SFMBT2: variants seen among roughly 807,000 people sequenced by gnomAD.
SFMBT2 encodes Scm like with four mbt domains 2.
Under a neutral mutation model 110.1 loss-of-function variants are expected in SFMBT2, and 38 were observed. The ratio of observed to expected loss-of-function variants is 0.35; its 90% CI spans 0.27 to 0.45. The LOEUF (loss-of-function observed/expected upper bound fraction) is 0.45, where lower values mean the gene tolerates loss of function less well. Among genes scored for constraint, SFMBT2 ranks in the 20% least tolerant of loss-of-function variants. SFMBT2 has a pLI of 1.00. For synonymous variants in SFMBT2, 425 were observed against 425.4 expected (o/e 1.00, Z 0.01); for missense variants, 1,011 against 1,094.9 (o/e 0.92, Z 1.08).
intron 20 of SFMBT2, among the ~76,000 whole-genome samples, chr10:7,167,208 TG>T (rs1837717477): frequency 6.6e-6 from 1 of 152,236 alleles, no homozygotes; most frequent in Admixed American, 6.5e-5. Context: ...TAAGGTCAGT[TG>T]AGCATTTGAG....
At chr10:7,347,717 T>A (rs1844162872) in intron 4 of SFMBT2, among the ~76,000 whole-genome samples, 2 of 152,138 alleles carry the variant, frequency 1.3e-5, no homozygotes, top group South Asian at 2.1e-4. Context: ...CAGGCAAGCA[T>A]CTCAAAAAAA....
rs531940381 is a variant in SFMBT2, at chr10:7,270,872, ATTAG to A, written c.870+6016_870+6019del. ...TGCAAAGACAATAAATGTTTAATGA[ATTAG>A]TTAATTTTTAATTACAAATATATTA... On this transcript the variant is annotated intron_variant, in intron 7 of 20. Coordinates refer to ENST00000397167, the MANE Select transcript of SFMBT2 (RefSeq NM_001387889.1). Among the ~76,000 whole-genome samples the A allele has an allele frequency of 7.7e-3, 1,172 of 152,362 alleles. 22 individuals are homozygous for A. Among genetic ancestry groups the A allele is most frequent in the African/African-American group, 0.026 (1,090 of 41,594 alleles).
At chr10:7,227,529 C>G (rs1446446343) in intron 10 of SFMBT2, among the ~76,000 whole-genome samples, 5 of 152,202 alleles carry the variant, frequency 3.3e-5, no homozygotes, top group Non-Finnish European at 1.5e-5. Context: ...ATTTCTTTCC[C>G]TTCTGCTGGC....
chr10:7,322,915 A>G (rs1246635182), intron 4 of SFMBT2, among the ~76,000 whole-genome samples: 1 of 152,240 alleles, frequency 6.6e-6, no homozygotes, highest in Non-Finnish European at 1.5e-5. Flanking sequence ...CATTATCATC[A>G]GAGAAATGCT....
chr10:7,398,341 G>A (rs1192657806), intron 1 of SFMBT2, among the ~76,000 whole-genome samples: 1 of 152,142 alleles, frequency 6.6e-6, no homozygotes, highest in Non-Finnish European at 1.5e-5. Context: ...AAAAACAAGA[G>A]GCTTCCAAGT....
intron 4 of SFMBT2, among the ~76,000 whole-genome samples, chr10:7,340,241 G>T (rs1287732707): frequency 6.6e-6 from 1 of 152,136 alleles, no homozygotes; most frequent in Non-Finnish European, 1.5e-5. Flanking sequence ...TCATTCAGTG[G>T]AAGCGGATGA....
At chr10:7,200,364 C>T in intron 14 of SFMBT2, 50 bp downstream of exon 14, 1 of 1,423,296 alleles carries the variant, frequency 7.0e-7, no homozygotes, top group Non-Finnish European at 9.4e-7. Flanking sequence ...GTCTCTGCTC[C>T]CGGCTGCACG....
chr10:7,381,952 A>G lies in SFMBT2; in HGVS notation c.-51-3T>C. The G allele has an allele frequency of 6.7e-7, 1 of 1,491,524 alleles. No homozygotes were observed. The highest frequency in any genetic ancestry group is 1.4e-5 in the South Asian group (1 of 73,348). The allele number at this position is 1,491,524 out of a possible 1,614,324, so 92.4% of individuals were successfully genotyped here. A position where few individuals can be genotyped will look rare whatever the true frequency, so the allele number is the denominator to read the frequency against. ...ATTCATCCTGCAGAAAAAATTACCT[A>G]AGAGCAATCAAAAAAAAAAAAATCA... On this transcript the variant is annotated splice_region_variant and splice_polypyrimidine_tract_variant and intron_variant, in intron 1 of 20. Coordinates refer to ENST00000397167, the MANE Select transcript of SFMBT2 (RefSeq NM_001387889.1).
intron 1 of SFMBT2, among the ~76,000 whole-genome samples, chr10:7,401,738 A>G (rs1043193546): frequency 6.6e-6 from 1 of 152,180 alleles, no homozygotes; most frequent in Non-Finnish European, 1.5e-5. Context: ...AGGTGAACTC[A>G]GTCTCTTCCT....
intron 2 of SFMBT2, among the ~76,000 whole-genome samples, chr10:7,376,042 C>T (rs987208197): frequency 6.6e-6 from 1 of 152,216 alleles, no homozygotes; most frequent in African/African-American, 2.4e-5. Context: ...GAGGCTCACC[C>T]TGTCTAAATG....
At chr10:7,378,035 G>A (rs1035754548) in intron 2 of SFMBT2, among the ~76,000 whole-genome samples, 14 of 151,448 alleles carry the variant, frequency 9.2e-5, no homozygotes, top group Non-Finnish European at 1.9e-4. Context: ...GAGTGTGTGT[G>A]TGGATGGGTG....
intron 10 of SFMBT2, among the ~76,000 whole-genome samples, chr10:7,222,080 A>T (rs1040029944): frequency 6.6e-6 from 1 of 152,234 alleles, no homozygotes; most frequent in Non-Finnish European, 1.5e-5. Flanking sequence ...TTTATTCTGT[A>T]AGTCATGTAA....
chr10:7,295,928 T>C (rs1347195270), intron 4 of SFMBT2, among the ~76,000 whole-genome samples: 2 of 152,200 alleles, frequency 1.3e-5, no homozygotes, highest in Non-Finnish European at 2.9e-5. Context: ...GACCTAACGC[T>C]TTCTCTGAAG....
In SFMBT2 at chr10:7,161,028, A is replaced by G. The variant is rs1221015038; in HGVS notation, c.*2742T>C. The G allele has an allele frequency of 2.6e-5, 4 of 152,294 alleles. No individual in the cohort carries two copies. The highest frequency in any genetic ancestry group is 4.4e-5 in the Non-Finnish European group (3 of 68,098). 9.4% of individuals were successfully genotyped at this position (152,294 alleles called of 1,614,324 possible). A position where few individuals can be genotyped will look rare whatever the true frequency, so the allele number is the denominator to read the frequency against. ...CAGCCATCTCCTCCCTGGCACGTGC[A>G]CAGACAGTGCTCACCCATGGTGACC... On this transcript the variant is annotated 3_prime_UTR_variant, in exon 21 of 21. Transcript: ENST00000397167.
chr10:7,239,957 TC>T (rs1488741870), intron 9 of SFMBT2, among the ~76,000 whole-genome samples: 19 of 152,308 alleles, frequency 1.2e-4, no homozygotes, highest in African/African-American at 4.6e-4. Context: ...CAACTGAGCC[TC>T]AATTTCTCTA....
intron 12 of SFMBT2, chr10:7,205,014 A>T: frequency 1.4e-6 from 1 of 709,882 alleles, no homozygotes; most frequent in Non-Finnish European, 1.7e-6. Context: ...GACGTGTGGT[A>T]ATATACTTTA....
chr10:7,177,117 G>A lies in SFMBT2; in HGVS notation c.1809-952C>T, dbSNP rs563116866. Among the ~76,000 whole-genome samples the A allele has an allele frequency of 1.1e-4, 16 of 152,220 alleles. No individual in the cohort carries two copies. In the East Asian group the frequency reaches 2.5e-3, roughly 24 times the overall value. On this transcript the variant is annotated intron_variant, in intron 16 of 20. Coordinates refer to ENST00000397167, the MANE Select transcript of SFMBT2 (RefSeq NM_001387889.1). ...CTCCATGGCTTCGGTTGCTTTCTCC[G>A]AAGCAGTAAATCGAATCCTTTCTGA...
intron 20 of SFMBT2, among the ~76,000 whole-genome samples, chr10:7,166,027 G>C (rs1837685709): frequency 1.3e-5 from 2 of 152,128 alleles, no homozygotes; most frequent in Admixed American, 1.3e-4. Context: ...AGTCTTCCAG[G>C]TACCATGGGC....
At chr10:7,307,793 C>T (rs139708430) in intron 4 of SFMBT2, among the ~76,000 whole-genome samples, 131 of 152,226 alleles carry the variant, frequency 8.6e-4, no homozygotes, top group African/African-American at 3.0e-3. Flanking sequence ...ACTGGAGACA[C>T]AGAAAGCATA....
Sources: gnomAD v4.1 joint callset for allele counts (sites outside exome capture counted in the v4.1 genomes callset) on GRCh38, gnomAD v4.1.1 for gene constraint, MANE v1.5 for transcripts, NCBI Gene and HGNC (gene_info 2026-07-23, HGNC 2026-07-21) for gene names.